The following NSMCE2 variants were observed in gnomAD, a reference collection of about 807,000 sequenced individuals.
NSMCE2 encodes the protein E3 SUMO-protein ligase NSE2.
Under a neutral mutation model 23.8 loss-of-function variants are expected in NSMCE2, and 24 were observed. The observed-to-expected ratio is 1.01, with a 90% confidence interval of 0.73 to 1.42. The LOEUF is 1.42. Ranked by LOEUF, NSMCE2 falls within the 40% of genes most tolerant of loss-of-function variation. The pLI is 0.00. For missense variants in NSMCE2, 284 were observed against 296.5 expected, an observed-to-expected ratio of 0.96 and a Z score of 0.31; for synonymous variants, 92 against 94.1, an observed-to-expected ratio of 0.98 and a Z score of 0.13.
chr8:125,261,586 T>C (rs151148196), intron 5 of NSMCE2, among the ~76,000 whole-genome samples: 1 of 152,270 alleles, frequency 6.6e-6, no homozygotes, highest in African/African-American at 2.4e-5. Flanking sequence ...TTAATTAATA[T>C]ACTTACACTT....
intron 5 of NSMCE2, among the ~76,000 whole-genome samples, chr8:125,336,144 G>T (rs531693363): frequency 6.6e-6 from 1 of 152,266 alleles, no homozygotes; most frequent in South Asian, 2.1e-4. Context: ...GAAGGACAGA[G>T]CATTGAGGCA....
intron 3 of NSMCE2, among the ~76,000 whole-genome samples, chr8:125,104,487 C>T (rs138460085): frequency 5.9e-5 from 9 of 152,256 alleles, no homozygotes; most frequent in African/African-American, 1.4e-4. Context: ...GGGTTCAGTG[C>T]GATAGCTCTA....
chr8:125,272,740 C>T lies in NSMCE2; in HGVS notation c.419-84479C>T, dbSNP rs911254365. Reference sequence around the variant, plus strand: ...TAATATATATATATACACACACACACATATATATACACACGTATATATATA... The same window carrying T: ...TAATATATATATATACACACACACATATATATATACACACGTATATATATA... On this transcript the variant is annotated intron_variant, in intron 5 of 7. Transcript: ENST00000287437. Among the ~76,000 whole-genome samples the T allele has an allele frequency of 5.4e-5, 7 of 130,834 alleles. No homozygotes were observed. In the East Asian group the frequency reaches 6.0e-4, roughly 11 times the overall value. The allele number at this position is 130,834 out of a possible 152,430, so 85.8% of individuals were successfully genotyped here. A position where few individuals can be genotyped will look rare whatever the true frequency, so the allele number is the denominator to read the frequency against.
chr8:125,186,680 G>C (rs929389006), intron 5 of NSMCE2, among the ~76,000 whole-genome samples: 1 of 152,208 alleles, frequency 6.6e-6, no homozygotes, highest in Non-Finnish European at 1.5e-5. Flanking sequence ...TGCCATGCCA[G>C]TCAACTGATA....
chr8:125,153,034 G>A (rs1173997409), intron 4 of NSMCE2, among the ~76,000 whole-genome samples: 1 of 129,136 alleles, frequency 7.7e-6, no homozygotes, highest in Non-Finnish European at 1.5e-5. Flanking sequence ...TCCAGCCTGG[G>A]CGACAGAGCG....
At chr8:125,214,891 G>A (rs1036880503) in intron 5 of NSMCE2, among the ~76,000 whole-genome samples, 1 of 152,040 alleles carries the variant, frequency 6.6e-6, no homozygotes, top group African/African-American at 2.4e-5. Context: ...GATTAGGTAC[G>A]TTCACACTGA....
chr8:125,338,935 T>G (rs572535150), intron 5 of NSMCE2, among the ~76,000 whole-genome samples: 1 of 152,330 alleles, frequency 6.6e-6, no homozygotes, highest in Non-Finnish European at 1.5e-5. Flanking sequence ...AAATTCACGC[T>G]CTGCCCTAGA....
At chr8:125,200,265 G>T (rs1823804353) in intron 5 of NSMCE2, among the ~76,000 whole-genome samples, 1 of 152,146 alleles carries the variant, frequency 6.6e-6, no homozygotes, top group Admixed American at 6.5e-5. Context: ...TTTCTTCCTA[G>T]CCTCGATGGT....
intron 5 of NSMCE2, among the ~76,000 whole-genome samples, chr8:125,330,177 C>CTTTTTTTTTTT (rs34345598): frequency 1.7e-5 from 2 of 119,120 alleles, no homozygotes; most frequent in Non-Finnish European, 1.6e-5. Context: ...TTTCTTTTTT[C>CTTTTTTTTTTT]TTTCTTTTTT....
chr8:125,264,839 C>T (rs894362003), intron 5 of NSMCE2, among the ~76,000 whole-genome samples: 1 of 152,124 alleles, frequency 6.6e-6, no homozygotes, highest in Non-Finnish European at 1.5e-5. Flanking sequence ...GAAAAATGGC[C>T]TTATATCTTC....
At chr8:125,323,033 T>G (rs1829516412) in intron 5 of NSMCE2, among the ~76,000 whole-genome samples, 1 of 152,204 alleles carries the variant, frequency 6.6e-6, no homozygotes, top group Non-Finnish European at 1.5e-5. Context: ...CACTCCAGCC[T>G]GGGCAATAGA....
intron 3 of NSMCE2, among the ~76,000 whole-genome samples, chr8:125,112,155 A>C (rs60524861): frequency 0.012 from 1,814 of 152,338 alleles, 37 homozygotes; most frequent in African/African-American, 0.04. Flanking sequence ...AGCCAACTAT[A>C]CCAGCAAAAT....
intron 5 of NSMCE2, among the ~76,000 whole-genome samples, chr8:125,217,895 C>A (rs1302541796): frequency 1.0e-4 from 15 of 149,214 alleles, no homozygotes; most frequent in Middle Eastern, 6.8e-3. Context: ...AAAAAAAAAC[C>A]AAAACAAAAA....
At chr8:125,227,184 C>A (rs1825131626) in intron 5 of NSMCE2, among the ~76,000 whole-genome samples, 1 of 152,144 alleles carries the variant, frequency 6.6e-6, no homozygotes, top group South Asian at 2.1e-4. Context: ...AATTGGGGGG[C>A]AGCCTCCAGA....
At chr8:125,156,474 G>A (rs1821317287) in intron 4 of NSMCE2, among the ~76,000 whole-genome samples, 1 of 151,966 alleles carries the variant, frequency 6.6e-6, no homozygotes, top group Admixed American at 6.6e-5. Context: ...GTTTTTTTAA[G>A]TCAATATCTT....
intron 5 of NSMCE2, among the ~76,000 whole-genome samples, chr8:125,242,702 G>T (rs886636712): frequency 2.0e-5 from 3 of 152,194 alleles, no homozygotes; most frequent in African/African-American, 7.2e-5. Flanking sequence ...TGGAAGAGGA[G>T]GGGGGACATA....
intron 5 of NSMCE2, among the ~76,000 whole-genome samples, chr8:125,267,577 G>A (rs192672800): frequency 6.6e-6 from 1 of 152,230 alleles, no homozygotes; most frequent in East Asian, 1.9e-4. Flanking sequence ...CTTCAGCTCA[G>A]GAATTCAGGA....
At chr8:125,200,940 T>C (rs1416764030) in intron 5 of NSMCE2, among the ~76,000 whole-genome samples, 1 of 152,240 alleles carries the variant, frequency 6.6e-6, no homozygotes, top group Non-Finnish European at 1.5e-5. Context: ...ACTGATATCA[T>C]TTCTTCCAGT....
At chr8:125,280,216 A>G (rs6470347) in intron 5 of NSMCE2, among the ~76,000 whole-genome samples, 152,338 of 152,346 alleles carry the variant, frequency 1, 76,165 homozygotes, top group Middle Eastern at 1. Context: ...AAGAGTTACA[A>G]CTCCCTCTTC....
Sources: allele counts gnomAD v4.1 joint callset (sites outside exome capture counted in the v4.1 genomes callset), GRCh38; gene constraint gnomAD v4.1.1; transcripts MANE v1.5; gene names NCBI Gene and HGNC (gene_info 2026-07-23, HGNC 2026-07-21).